LIPI: variants seen among roughly 807,000 people sequenced by gnomAD.
LIPI encodes the protein lipase I.
Under a neutral mutation model 50.6 loss-of-function variants are expected in LIPI, and 59 were observed. The observed-to-expected ratio is 1.16, with a 90% CI of 0.94 to 1.45. The LOEUF (loss-of-function observed/expected upper bound fraction) is 1.45. LIPI is among the 40% of genes most tolerant of loss of function. The pLI, the probability that LIPI is intolerant of heterozygous loss-of-function variation, is 0.00. For missense variants in LIPI, 586 were observed against 536.3 expected (o/e 1.09, Z -0.92); for synonymous variants, 203 against 178.2 (o/e 1.14, Z -1.11).
intron 7 of LIPI, among the ~76,000 whole-genome samples, chr21:14,158,615 ATG>A (rs1052235505): frequency 2.0e-5 from 3 of 148,562 alleles, no homozygotes; most frequent in African/African-American, 4.9e-5. Flanking sequence ...AAATATATAT[ATG>A]TGTGTGTAGA....
At chr21:14,198,506 G>A (rs1292201427) in intron 1 of LIPI, among the ~76,000 whole-genome samples, 2 of 151,864 alleles carry the variant, frequency 1.3e-5, no homozygotes, top group South Asian at 2.1e-4. Flanking sequence ...AACCAACAAA[G>A]ATTAAAAAAA....
intron 1 of LIPI, among the ~76,000 whole-genome samples, chr21:14,189,927 A>G (rs2019611258): frequency 6.6e-6 from 1 of 152,136 alleles, no homozygotes; most frequent in South Asian, 2.1e-4. Context: ...TGTTGAGATC[A>G]TAAGTTGATA....
chr21:14,196,254 T>C (rs1360672030), intron 1 of LIPI, among the ~76,000 whole-genome samples: 2 of 151,876 alleles, frequency 1.3e-5, no homozygotes, highest in Non-Finnish European at 2.9e-5. Flanking sequence ...AAACTTTTTA[T>C]GCATGCAAAA....
At chr21:14,143,735 A>T (rs2017798763) in intron 9 of LIPI, 1 of 152,198 alleles carries the variant, frequency 6.6e-6, no homozygotes, top group Non-Finnish European at 1.5e-5. Flanking sequence ...GAGATTTTTA[A>T]TAATTCTTAA....
intron 9 of LIPI, among the ~76,000 whole-genome samples, chr21:14,110,430 G>A (rs932737034): frequency 6.6e-6 from 1 of 151,788 alleles, no homozygotes; most frequent in Admixed American, 6.6e-5. Flanking sequence ...TTGTGGAATG[G>A]TTAAATATAG....
rs1425556414 is a variant in LIPI, at chr21:14,189,280, T to G, written c.186A>C (p.Gln62His). 6.2e-7 allele frequency: 1 copy of G among 1,614,090 alleles called. No individual in the cohort carries two copies. Among genetic ancestry groups the G allele is most frequent in the East Asian group, 2.2e-5 (1 of 44,866 alleles). The stretch of plus-strand genomic sequence containing the variant: ...TGAAATTAACATTAAGTGAGTTATT[T>G]TGTTCAAACAGTGGCTCAGCACAGT... ...NLNCAEPLFEQNNSLNVNFNT... is the reference protein window; with the variant it reads ...NLNCAEPLFEHNNSLNVNFNT... Residue 62 changes from glutamine (Q) to histidine (H), a missense_variant, in exon 2 of 10, where the codon CAA (glutamine) becomes CAC (histidine). Physicochemically the swap from Gln to His is conservative, Grantham distance 24 (BLOSUM62 0). Transcript: ENST00000681601.
At chr21:14,149,440 T>C (rs1378840832) in intron 8 of LIPI, among the ~76,000 whole-genome samples, 3 of 152,140 alleles carry the variant, frequency 2.0e-5, no homozygotes, top group Admixed American at 6.6e-5. Flanking sequence ...ATTCCACCCC[T>C]GGCCTTCCCA....
At chr21:14,203,856 G>GAGAA (rs57913221) in intron 1 of LIPI, among the ~76,000 whole-genome samples, 8,190 of 151,254 alleles carry the variant, frequency 0.054, 668 homozygotes, top group African/African-American at 0.18. Flanking sequence ...ATAATAAAAA[G>GAGAA]AGAAAGAAAG....
At position 14,127,786 on chromosome 21, in the gene LIPI, C is replaced by A. The variant is rs1391389490; in HGVS notation, c.1295+16837G>T. ...ACATTCTGTACTAAGGTGTAAATAT[C>A]ATAACCTGAGATAGAAGATTTAAAA... On this transcript the variant is annotated intron_variant, in intron 9 of 9. Coordinates refer to ENST00000681601, the MANE Select transcript of LIPI (RefSeq NM_001302998.2). Among the ~76,000 whole-genome samples the A allele has an allele frequency of 2.0e-5, 3 of 152,148 alleles. No individual in the cohort carries two copies. The East Asian group carries it at 5.8e-4, about 29-fold the overall frequency.
intron 9 of LIPI, among the ~76,000 whole-genome samples, chr21:14,109,487 T>C (rs1318961786): frequency 6.6e-6 from 1 of 152,080 alleles, no homozygotes; most frequent in Admixed American, 6.6e-5. Context: ...TAATCAGTCC[T>C]CTTATGCCAC....
intron 6 of LIPI, among the ~76,000 whole-genome samples, chr21:14,164,169 C>T (rs1010691341): frequency 1.3e-5 from 2 of 151,882 alleles, no homozygotes; most frequent in African/African-American, 4.8e-5. Flanking sequence ...TTTGTTCCCA[C>T]ATTGCTACCT....
At position 14,140,859 on chromosome 21, in the gene LIPI, G is replaced by A. The variant is rs750511037; in HGVS notation, c.1295+3764C>T. 1.1e-3 allele frequency among the ~76,000 whole-genome samples: 164 copies of A among 151,886 alleles called. 1 individual carries two copies. The highest frequency in any genetic ancestry group is 1.4e-3 in the Non-Finnish European group (94 of 67,938). On this transcript the variant is annotated intron_variant, in intron 9 of 9. Coordinates refer to ENST00000681601, the MANE Select transcript of LIPI (RefSeq NM_001302998.2). ...TTACATTCATTATTCAGTCTGTTTG[G>A]CTCATCTTATTATTTGTAATTCCAA...
chr21:14,131,685 G>A (rs6516626), intron 9 of LIPI, among the ~76,000 whole-genome samples: 4,144 of 152,078 alleles, frequency 0.027, 179 homozygotes, highest in African/African-American at 0.091. Flanking sequence ...CCAAGGGACC[G>A]CAACAGTACT....
chr21:14,149,841 C>T (rs776378494), intron 8 of LIPI, among the ~76,000 whole-genome samples: 58 of 152,218 alleles, frequency 3.8e-4, no homozygotes, highest in Non-Finnish European at 7.8e-4. Context: ...TCCACCCCTG[C>T]GGCTTTGCAG....
rs1268888543 is a variant in LIPI at position 14,205,558 on chromosome 21, A to C, written c.46+5242T>G. ...TATTTGTGCACATACCTCCCCCCACACACACATCTTTATTGGGTAAGATAT... is the reference window on the plus strand; with the variant it reads ...TATTTGTGCACATACCTCCCCCCACCCACACATCTTTATTGGGTAAGATAT... On this transcript the variant is annotated intron_variant, in intron 1 of 9. Transcript: ENST00000681601. 1.1e-3 allele frequency among the ~76,000 whole-genome samples: 162 copies of C among 149,214 alleles called. 1 individual carries two copies. Among genetic ancestry groups the C allele is most frequent in the African/African-American group, 3.9e-3 (157 of 40,498 alleles).
At chr21:14,187,993 A>G (rs1303265921) in intron 2 of LIPI, among the ~76,000 whole-genome samples, 1 of 152,174 alleles carries the variant, frequency 6.6e-6, no homozygotes, top group South Asian at 2.1e-4. Flanking sequence ...AAGTGTTGTT[A>G]TTTGTTCAAT....
intron 8 of LIPI, among the ~76,000 whole-genome samples, chr21:14,150,138 G>A (rs531229354): frequency 6.6e-6 from 1 of 152,262 alleles, no homozygotes; most frequent in East Asian, 1.9e-4. Flanking sequence ...CTGAAATCTA[G>A]GTGGAGGTTC....
At chr21:14,157,425 A>C (rs1005115880) in intron 7 of LIPI, among the ~76,000 whole-genome samples, 3 of 152,098 alleles carry the variant, frequency 2.0e-5, no homozygotes, top group East Asian at 1.9e-4. Flanking sequence ...AGAGGCCAAT[A>C]ATAGAGGCAG....
intron 1 of LIPI, chr21:14,207,019 C>A (rs1600944129): frequency 2.4e-6 from 2 of 837,538 alleles, no homozygotes; most frequent in South Asian, 2.7e-5. Context: ...AAGTACGAAA[C>A]AATTGACCCA....
Sources: allele counts gnomAD v4.1 joint callset (sites outside exome capture counted in the v4.1 genomes callset), GRCh38; gene constraint gnomAD v4.1.1; transcripts MANE v1.5; gene names NCBI Gene and HGNC (gene_info 2026-07-23, HGNC 2026-07-21).